STK25: variants seen among roughly 807,000 people sequenced by gnomAD.
STK25 encodes the protein serine/threonine-protein kinase 25.
A neutral mutation model predicts 53.8 loss-of-function variants in STK25; 29 were observed. That is an observed-to-expected ratio of 0.54 (90% CI 0.40 to 0.74). The LOEUF (loss-of-function observed/expected upper bound fraction) is 0.74. STK25 is among the 30% of genes least tolerant of loss of function. The pLI is 0.00. For synonymous variants in STK25, 247 were observed against 238.3 expected, an observed-to-expected ratio of 1.04 and a Z score of -0.33; for missense variants, 420 against 568.0, an observed-to-expected ratio of 0.74 and a Z score of 2.65.
At position 241,495,401 on chromosome 2, in the gene STK25, G is replaced by GCC; in HGVS notation, c.*259_*260dup. ...CATGAGGGCCACGCCGGCGGCTGGA[G>GCC]CCCCCGTGAGCAATACTGCTGGGCC... On this transcript the variant is annotated 3_prime_UTR_variant, in exon 12 of 12. Transcript: ENST00000316586. 2 of 490,636 alleles carry GCC rather than the reference G, an allele frequency of 4.1e-6. No homozygotes were observed. The highest frequency in any genetic ancestry group is 7.4e-6 in the Non-Finnish European group (2 of 271,992). The allele number at this position is 490,636 out of a possible 1,614,324, so 30.4% of individuals were successfully genotyped here.
rs571117204 is a variant in STK25, at chr2:241,495,438, G to A, written c.*224C>T. ...AATACTGCTGGGCCAGGAGAGGGAGGAGGGCAGTGGGCATAGAGAACAGCG... is the reference window on the plus strand; with the variant it reads ...AATACTGCTGGGCCAGGAGAGGGAGAAGGGCAGTGGGCATAGAGAACAGCG... On this transcript the variant is annotated 3_prime_UTR_variant, in exon 12 of 12. Coordinates refer to ENST00000316586, the MANE Select transcript of STK25 (RefSeq NM_001271977.2). The A allele has an allele frequency of 6.9e-4, 386 of 561,070 alleles. No homozygotes were observed. Among genetic ancestry groups the A allele is most frequent in the Admixed American group, 1.7e-3 (56 of 32,796 alleles). 34.8% of individuals were successfully genotyped at this position (561,070 alleles called of 1,614,324 possible).
intron 2 of STK25, among the ~76,000 whole-genome samples, chr2:241,503,621 G>A (rs1443044601): frequency 6.8e-6 from 1 of 146,050 alleles, no homozygotes; most frequent in South Asian, 2.3e-4. Flanking sequence ...GCTGAGGCAG[G>A]ATAATATCAT....
chr2:241,508,502 C>T lies in STK25; in HGVS notation c.-160G>A. 2 of 1,019,176 alleles carry T rather than the reference C, an allele frequency of 2.0e-6. No homozygotes were observed. The highest frequency in any genetic ancestry group is 2.4e-6 in the Non-Finnish European group (2 of 849,778). 63.1% of individuals were successfully genotyped at this position (1,019,176 alleles called of 1,614,324 possible). A position where few individuals can be genotyped will look rare whatever the true frequency, so the allele number is the denominator to read the frequency against. On this transcript the variant is annotated 5_prime_UTR_variant, in exon 1 of 12. Transcript: ENST00000316586. ...GCTCTGCAGCGCCCGCGAAGGCTCCCACCCGCAGCCTCTGTTCGCCCGGGG... is the reference window on the plus strand; with the variant it reads ...GCTCTGCAGCGCCCGCGAAGGCTCCTACCCGCAGCCTCTGTTCGCCCGGGG...
chr2:241,502,599 C>G (rs922155842), intron 2 of STK25, among the ~76,000 whole-genome samples: 18 of 151,924 alleles, frequency 1.2e-4, no homozygotes, highest in African/African-American at 3.9e-4. Context: ...ATTAGCCGGG[C>G]GAGGTTGCGT....
At position 241,494,941 on chromosome 2, in the gene STK25, T is replaced by C. The variant is rs1387916623; in HGVS notation, c.*721A>G. 2.6e-5 allele frequency: 4 copies of C among 152,248 alleles called. No homozygotes were observed. The highest frequency in any genetic ancestry group is 9.6e-5 in the African/African-American group (4 of 41,538). The allele number at this position is 152,248 out of a possible 1,614,324, so 9.4% of individuals were successfully genotyped here. On this transcript the variant is annotated 3_prime_UTR_variant, in exon 12 of 12. Transcript: ENST00000316586. This position sits in a 1 kb window ranked among gnomAD's most constrained non-coding sequence, Gnocchi z 4.9. ...CGAAGGGGGGCTGGGCTGCCGTCTC[T>C]GCGTGCTGTGATGAGGACTCGGGAC...
Position 241,508,020 on chromosome 2 carries a change from C to T in STK25, c.16G>A (p.Gly6Arg), listed in dbSNP as rs767199180. 6.2e-7 allele frequency: 1 copy of T among 1,604,622 alleles called. No homozygotes were observed. The part of the protein sequence containing the change: MAHLR[G>R]FANQHSRVDP... ...ACCCTTCTCACCTGGTTGGCAAATCCCCGGAGGTGAGCCATGGCCGCGCCG... is the reference window on the plus strand; with the variant it reads ...ACCCTTCTCACCTGGTTGGCAAATCTCCGGAGGTGAGCCATGGCCGCGCCG... Residue 6 changes from glycine (G) to arginine (R), a missense_variant, in exon 2 of 12, where the codon GGA becomes AGA. Coordinates refer to ENST00000316586, the MANE Select transcript of STK25 (RefSeq NM_001271977.2).
chr2:241,499,569 G>A (rs193276409), intron 5 of STK25, 155 bp from the exon 6 acceptor site: 1 of 886,742 alleles, frequency 1.1e-6, no homozygotes, highest in African/African-American at 1.7e-5. Flanking sequence ...TCAAACCCAG[G>A]GCCACCTAGG....
intron 2 of STK25, among the ~76,000 whole-genome samples, chr2:241,505,526 G>A (rs1426702137): frequency 6.6e-6 from 1 of 152,142 alleles, no homozygotes; most frequent in Non-Finnish European, 1.5e-5. Flanking sequence ...TCTGGATGAC[G>A]CGTCCTCCCG....
At position 241,498,009 on chromosome 2, in the gene STK25, C is replaced by A. The variant is rs2065277248; in HGVS notation, c.1032+226G>T. Among the ~76,000 whole-genome samples, 2 of 151,996 alleles carry A rather than the reference C, an allele frequency of 1.3e-5. 1 individual carries two copies. Among genetic ancestry groups the A allele is most frequent in the South Asian group, 4.1e-4 (2 of 4,830 alleles). On this transcript the variant is annotated intron_variant, in intron 9 of 11. Coordinates refer to ENST00000316586, the MANE Select transcript of STK25 (RefSeq NM_001271977.2). ...TCTGAGGGCCTGTGACTCCCACCCT[C>A]TCCTCACAAATTTGGCTCCAAACAG...
In STK25 at chr2:241,500,785, T is replaced by G; in HGVS notation, c.273A>C (p.Leu91=). The change falls in exon 4 of 12, where the codon CTA becomes CTC. Residue 91 remains leucine, a synonymous_variant. Coordinates refer to ENST00000316586, the MANE Select transcript of STK25 (RefSeq NM_001271977.2). ...CGCCCAGGTACTCCATGATGATCCATAGCTTGGTGCTCTGGGACCGGAGAC... is the reference window on the plus strand; with the variant it reads ...CGCCCAGGTACTCCATGATGATCCAGAGCTTGGTGCTCTGGGACCGGAGAC... The part of the protein sequence containing the change: ...YFGSYLKSTK[L]WIIMEYLGGG... The G allele has an allele frequency of 1.2e-6, 2 of 1,613,872 alleles. No individual in the cohort carries two copies. The highest frequency in any genetic ancestry group is 1.7e-6 in the Non-Finnish European group (2 of 1,179,894).
chr2:241,509,025 C>T (rs992972411), upstream of STK25, among the ~76,000 whole-genome samples: 4 of 152,258 alleles, frequency 2.6e-5, no homozygotes, highest in Non-Finnish European at 4.4e-5. Flanking sequence ...GGATCCACCG[C>T]GGCCGCCCAG....
Position 241,493,972 on chromosome 2 carries a change from A to G in STK25, c.*1690T>C. ...TCTTGGGACAGTGTCTGAGCACAAG[A>G]TGGCTCACTGGTCTGATGGCCGCCC... is the stretch of plus-strand genomic sequence containing the variant. On this transcript the variant is annotated 3_prime_UTR_variant, in exon 12 of 12. Transcript: ENST00000316586. 1 of 1,254,962 alleles carries G rather than the reference A, an allele frequency of 8.0e-7. No homozygotes were observed. The highest frequency in any genetic ancestry group is 1.1e-6 in the Non-Finnish European group (1 of 948,066). 77.7% of individuals were successfully genotyped at this position (1,254,962 alleles called of 1,614,324 possible). A position where few individuals can be genotyped will look rare whatever the true frequency, so the allele number is the denominator to read the frequency against.
chr2:241,504,422 TAGAG>T (rs1052908761), intron 2 of STK25, among the ~76,000 whole-genome samples: 2 of 152,130 alleles, frequency 1.3e-5, no homozygotes, highest in Non-Finnish European at 2.9e-5. Context: ...CTCGGCAGGA[TAGAG>T]AGAGCTGAGT....
chr2:241,501,682 G>A lies in STK25; in HGVS notation c.57C>T (p.Leu19=), dbSNP rs200426833. The change falls in exon 3 of 12, where the codon CTC becomes CTT. Residue 19 remains leucine, a synonymous_variant. Coordinates refer to ENST00000316586, the MANE Select transcript of STK25 (RefSeq NM_001271977.2). This position sits in a 1 kb window ranked among gnomAD's most constrained non-coding sequence, Gnocchi z 5.3. ...TGCCAATGCGGTCGAGCTTGGTGAA[G>A]AGCTCCTCAGGGTCCACTCGAGAGT... The part of the protein sequence containing the change: ...NQHSRVDPEE[L]FTKLDRIGKG... The A allele has an allele frequency of 6.2e-7, 1 of 1,613,874 alleles. No individual in the cohort carries two copies. Among genetic ancestry groups the A allele is most frequent in the East Asian group, 2.2e-5 (1 of 44,872 alleles).
chr2:241,506,522 C>T (rs536518552), intron 2 of STK25, among the ~76,000 whole-genome samples: 50 of 152,296 alleles, frequency 3.3e-4, no homozygotes, highest in African/African-American at 5.1e-4. Context: ...AATCCCAGCA[C>T]GTTGGGAGGC....
chr2:241,499,242 G>A lies in STK25; in HGVS notation c.585+15C>T, dbSNP rs370445875. 1.9e-5 allele frequency: 31 copies of A among 1,613,774 alleles called. No individual in the cohort carries two copies. The Middle Eastern group carries it at 4.9e-4, about 26-fold the overall frequency. On this transcript the variant is annotated intron_variant, in intron 6 of 11. Coordinates refer to ENST00000316586, the MANE Select transcript of STK25 (RefSeq NM_001271977.2). Reference sequence around the variant, plus strand: ...CCAGGCATGGTGCCCGCACCTGCCCGCCCGCTGCACCCACCTTGAAGTCGT... The same window carrying A: ...CCAGGCATGGTGCCCGCACCTGCCCACCCGCTGCACCCACCTTGAAGTCGT...
chr2:241,495,643 A>C lies in STK25; in HGVS notation c.*19T>G. The stretch of plus-strand genomic sequence containing the variant: ...AAAAACAAACGACCTTCCGTCCCCT[A>C]TCTGAACAGCAGTGCGCTTCAGCGG... On this transcript the variant is annotated 3_prime_UTR_variant, in exon 12 of 12. Coordinates refer to ENST00000316586, the MANE Select transcript of STK25 (RefSeq NM_001271977.2). 1 of 1,614,046 alleles carries C rather than the reference A, an allele frequency of 6.2e-7. No individual in the cohort carries two copies. The highest frequency in any genetic ancestry group is 8.5e-7 in the Non-Finnish European group (1 of 1,179,868).
rs1255968536 is a variant in STK25, at chr2:241,501,228, C to T, written c.261+250G>A. 2 of 581,244 alleles carry T rather than the reference C, an allele frequency of 3.4e-6. No homozygotes were observed. The highest frequency in any genetic ancestry group is 5.6e-5 in the Admixed American group (2 of 35,566). 36.0% of individuals were successfully genotyped at this position (581,244 alleles called of 1,614,324 possible). A position where few individuals can be genotyped will look rare whatever the true frequency, so the allele number is the denominator to read the frequency against. On this transcript the variant is annotated intron_variant, in intron 3 of 11. Transcript: ENST00000316586. The surrounding 1 kb of genome is among the most constrained non-coding windows in gnomAD (Gnocchi z 5.3). ...CACTCACCACTGCCAGTAGGGGCCC[C>T]CCAGAGTGCTCCTAGCAGCGCCCTC...
In STK25 at chr2:241,493,521, G is replaced by A. The variant is rs961964317; in HGVS notation, c.*2141C>T. 22 of 1,421,596 alleles carry A rather than the reference G, an allele frequency of 1.5e-5. No individual in the cohort carries two copies. The African/African-American group carries it at 2.8e-4, about 18-fold the overall frequency. 88.1% of individuals were successfully genotyped at this position (1,421,596 alleles called of 1,614,324 possible). ...AGCTCCCATTTCTACTCATGGTGGT[G>A]GAGGCAAGTTTTCTGGGCCCTGGAA... On this transcript the variant is annotated 3_prime_UTR_variant, in exon 12 of 12. Coordinates refer to ENST00000316586, the MANE Select transcript of STK25 (RefSeq NM_001271977.2).
Sources: allele counts gnomAD v4.1 joint callset (sites outside exome capture counted in the v4.1 genomes callset), GRCh38; gene constraint gnomAD v4.1.1; non-coding constraint Gnocchi (gnomAD v3.1); transcripts MANE v1.5; gene names NCBI Gene and HGNC (gene_info 2026-07-23, HGNC 2026-07-21).